ADGRV1: variants seen among roughly 807,000 people sequenced by gnomAD.
ADGRV1 encodes the protein adhesion G protein-coupled receptor V1.
In ADGRV1, 359 loss-of-function variants were observed where a neutral mutation model predicts 596.2. The ratio of observed to expected loss-of-function variants is 0.60; its 90% CI spans 0.55 to 0.66. The LOEUF is 0.66. ADGRV1 is among the 30% of genes least tolerant of loss of function. The pLI is 0.00. For synonymous variants in ADGRV1, 2,681 were observed against 2,679.2 expected, an observed-to-expected ratio of 1.00 and a Z score of -0.02; for missense variants, 7,274 against 7,575.6, an observed-to-expected ratio of 0.96 and a Z score of 1.48.
chr5:90,692,116 A>G (rs1214755136), intron 31 of ADGRV1, among the ~76,000 whole-genome samples: 1 of 152,198 alleles, frequency 6.6e-6, no homozygotes, highest in East Asian at 1.9e-4. Context: ...ATTAGCACAT[A>G]AAAAACATTT....
intron 83 of ADGRV1, among the ~76,000 whole-genome samples, chr5:90,944,809 G>A (rs1269209598): frequency 6.6e-6 from 1 of 152,144 alleles, no homozygotes; most frequent in Non-Finnish European, 1.5e-5. Flanking sequence ...CAGTGTTGCT[G>A]AAACTCCTCT....
At chr5:90,848,056 T>A (rs976203988) in intron 78 of ADGRV1, among the ~76,000 whole-genome samples, 2 of 151,980 alleles carry the variant, frequency 1.3e-5, no homozygotes, top group Non-Finnish European at 1.5e-5. Flanking sequence ...CCTCCTTTTT[T>A]CCCCTGTCTC....
chr5:90,657,816 T>C, intron 20 of ADGRV1, 89 bp from the exon 21 acceptor site: 2 of 1,352,078 alleles, frequency 1.5e-6, no homozygotes, highest in Non-Finnish European at 2.0e-6. Context: ...TATCTTTCAG[T>C]AAAATTGTCT....
chr5:90,924,539 G>T (rs1334217444), intron 83 of ADGRV1, among the ~76,000 whole-genome samples: 4 of 150,350 alleles, frequency 2.7e-5, no homozygotes, highest in Admixed American at 2.6e-4. Flanking sequence ...TTAGCCCTTT[G>T]TCAGATGAGT....
intron 48 of ADGRV1, among the ~76,000 whole-genome samples, chr5:90,726,933 AT>A (rs753391988): frequency 3.3e-5 from 5 of 152,168 alleles, no homozygotes; most frequent in Non-Finnish European, 7.3e-5. Context: ...ACTTAAATAT[AT>A]TTTTGGTACA....
At chr5:90,828,305 A>G (rs1302951135) in intron 76 of ADGRV1, among the ~76,000 whole-genome samples, 1 of 152,134 alleles carries the variant, frequency 6.6e-6, no homozygotes, top group Non-Finnish European at 1.5e-5. Flanking sequence ...AAAATAAAAG[A>G]AATAAAAATA....
chr5:90,751,384 G>A (rs1755233764), intron 53 of ADGRV1, among the ~76,000 whole-genome samples: 2 of 152,260 alleles, frequency 1.3e-5, no homozygotes, highest in East Asian at 3.9e-4. Context: ...CCTTGAGTGA[G>A]ACAGTTTGCT....
intron 85 of ADGRV1, among the ~76,000 whole-genome samples, chr5:91,062,443 T>C (rs1787522560): frequency 6.6e-6 from 1 of 152,150 alleles, no homozygotes; most frequent in Admixed American, 6.5e-5. Flanking sequence ...GGGTGGAGGA[T>C]GTAGCACAGG....
At chr5:90,783,356 A>G (rs959421334) in intron 66 of ADGRV1, 31 bp downstream of exon 66, 5 of 1,368,794 alleles carry the variant, frequency 3.7e-6, no homozygotes, top group Admixed American at 1.8e-5. Context: ...GTGGGCACAT[A>G]TAAGACATAA....
intron 2 of ADGRV1, among the ~76,000 whole-genome samples, chr5:90,616,163 T>G (rs966689220): frequency 1.3e-5 from 2 of 152,058 alleles, no homozygotes; most frequent in East Asian, 1.9e-4. Flanking sequence ...CTTAATTTAT[T>G]GTTATGTATG....
intron 1 of ADGRV1, among the ~76,000 whole-genome samples, chr5:90,559,721 A>T (rs1055795632): frequency 6.6e-6 from 1 of 152,172 alleles, no homozygotes; most frequent in Non-Finnish European, 1.5e-5. Context: ...AATTTTAAAG[A>T]TGCATAATTA....
chr5:90,784,030 G>A lies in ADGRV1; in HGVS notation c.13626G>A (p.Arg4542=), dbSNP rs758564276. 6.2e-7 allele frequency: 1 copy of A among 1,612,134 alleles called. No individual in the cohort carries two copies. The highest frequency in any genetic ancestry group is 1.1e-5 in the South Asian group (1 of 90,718). Residue 4542 remains arginine (R), a synonymous_variant, in exon 67 of 90, where the codon CGG becomes CGA. Transcript: ENST00000405460. ...TGATTTTATCACTGGTGCTGGAGCGGACTGGAGGACTCTTGGGAGAGATTC... is the reference window on the plus strand; with the variant it reads ...TGATTTTATCACTGGTGCTGGAGCGAACTGGAGGACTCTTGGGAGAGATTC... ...STMILSLVLE[R]TGGLLGEIQV...
At chr5:91,137,449 C>G (rs1430657493) in intron 87 of ADGRV1, among the ~76,000 whole-genome samples, 1 of 152,174 alleles carries the variant, frequency 6.6e-6, no homozygotes, top group Admixed American at 6.5e-5. Flanking sequence ...CATATTGTAA[C>G]TGAGTTAGGC....
At chr5:90,559,036 CG>C (rs35794858) in intron 1 of ADGRV1, 119 bp downstream of exon 1, 1 of 882,020 alleles carries the variant, frequency 1.1e-6, no homozygotes, top group African/African-American at 1.8e-5. Context: ...GGGCCACAGC[CG>C]GGCCCAGGGA....
intron 3 of ADGRV1, among the ~76,000 whole-genome samples, chr5:90,618,169 C>A (rs976043107): frequency 5.9e-5 from 9 of 152,164 alleles, no homozygotes; most frequent in Admixed American, 3.9e-4. Context: ...GTTTTTGGAT[C>A]CATTCAGCTT....
At chr5:90,952,878 T>C (rs573009717) in intron 83 of ADGRV1, among the ~76,000 whole-genome samples, 1 of 152,290 alleles carries the variant, frequency 6.6e-6, no homozygotes, top group South Asian at 2.1e-4. Context: ...TTTTTTAAGA[T>C]AACCACTTGA....
chr5:91,007,820 A>G (rs527829262), intron 85 of ADGRV1, among the ~76,000 whole-genome samples: 26 of 152,254 alleles, frequency 1.7e-4, no homozygotes, highest in African/African-American at 5.5e-4. Context: ...GTTCTTTGCC[A>G]CTTTTCTAAG....
intron 59 of ADGRV1, among the ~76,000 whole-genome samples, chr5:90,769,798 T>C (rs370579050): frequency 1.2e-4 from 18 of 152,212 alleles, no homozygotes; most frequent in African/African-American, 4.3e-4. Context: ...TAGGAAAATA[T>C]GTGCTCCCTG....
At chr5:91,004,648 T>C (rs902740699) in intron 85 of ADGRV1, among the ~76,000 whole-genome samples, 2 of 152,204 alleles carry the variant, frequency 1.3e-5, no homozygotes, top group Non-Finnish European at 2.9e-5. Flanking sequence ...AGACTGGATA[T>C]AGTTGAGTTG....
Sources: gnomAD v4.1 joint callset for allele counts (sites outside exome capture counted in the v4.1 genomes callset) on GRCh38, gnomAD v4.1.1 for gene constraint, MANE v1.5 for transcripts, NCBI Gene and HGNC (gene_info 2026-07-23, HGNC 2026-07-21) for gene names.